The following MIPEP variants were observed in gnomAD, a reference collection of about 807,000 sequenced individuals.
MIPEP encodes mitochondrial intermediate peptidase.
MIPEP carries 79 observed loss-of-function variants against 90.3 expected under a neutral mutation model. The ratio of observed to expected loss-of-function variants is 0.87; its 90% CI spans 0.73 to 1.05. The LOEUF is 1.05. Among genes scored for constraint, MIPEP ranks in the 50% least tolerant of loss-of-function variants. The pLI is 0.00. For synonymous variants in MIPEP, 334 were observed against 315.8 expected (o/e 1.06, Z -0.61); for missense variants, 940 against 905.6 (o/e 1.04, Z -0.49).
rs560195243 is a variant in MIPEP at position 23,750,363 on chromosome 13, T to A, written c.2044+6182A>T. ...ACTACATGTAGCTGCCGTGTCTCCT[T>A]AGGCTCCTCTAGACTGTGTCAGCTT... is the stretch of plus-strand genomic sequence containing the variant. On this transcript the variant is annotated intron_variant, in intron 18 of 18. Transcript: ENST00000382172. 4.6e-5 allele frequency among the ~76,000 whole-genome samples: 7 copies of A among 152,338 alleles called. No homozygotes were observed. In the South Asian group the frequency reaches 1.2e-3, roughly 27 times the overall value.
intron 14 of MIPEP, among the ~76,000 whole-genome samples, chr13:23,827,640 TCATAAA>T (rs1868528027): frequency 1.3e-5 from 2 of 152,172 alleles, no homozygotes; most frequent in African/African-American, 4.8e-5. Context: ...AATCCCTCTC[TCATAAA>T]CATAAATGCA....
At chr13:23,861,554 T>C (rs1870305559) in intron 9 of MIPEP, among the ~76,000 whole-genome samples, 1 of 152,192 alleles carries the variant, frequency 6.6e-6, no homozygotes, top group Non-Finnish European at 1.5e-5. Flanking sequence ...AGTAAACAGT[T>C]TGTAAATCTG....
intron 10 of MIPEP, among the ~76,000 whole-genome samples, chr13:23,847,042 A>G (rs1340121366): frequency 2.0e-5 from 3 of 152,228 alleles, no homozygotes; most frequent in Non-Finnish European, 2.9e-5. Context: ...GCCTGAGACC[A>G]TCCTTTATAA....
intron 11 of MIPEP, 150 bp downstream of exon 11, chr13:23,841,185 T>G (rs780963600): frequency 4.3e-5 from 28 of 648,682 alleles, no homozygotes; most frequent in Middle Eastern, 4.2e-4. Flanking sequence ...AAATCAGAAG[T>G]GCAATTTGGA....
intron 4 of MIPEP, 62 bp downstream of exon 4, chr13:23,879,206 G>A: frequency 1.0e-6 from 1 of 964,226 alleles, no homozygotes; most frequent in South Asian, 1.4e-5. Flanking sequence ...CCCTGAGGGA[G>A]AGTCTCCCAA....
chr13:23,836,031 A>G (rs1869024694), intron 14 of MIPEP, among the ~76,000 whole-genome samples: 1 of 152,214 alleles, frequency 6.6e-6, no homozygotes, highest in African/African-American at 2.4e-5. Flanking sequence ...AAGGGTAGCT[A>G]TTTTTCAACA....
chr13:23,785,720 T>C (rs547002247), intron 16 of MIPEP, among the ~76,000 whole-genome samples: 14 of 151,804 alleles, frequency 9.2e-5, no homozygotes, highest in African/African-American at 3.4e-4. Flanking sequence ...GATAGTATGC[T>C]AGCAATAGGC....
In MIPEP at chr13:23,806,208, G is replaced by A. The variant is rs942292014; in HGVS notation, c.1729-139C>T. On this transcript the variant is annotated intron_variant, in intron 15 of 18. Transcript: ENST00000382172. ...ACAGTCACAAAAATAAACTTACATG[G>A]TTTGAAATGTATTTCATACCACATT... is the stretch of plus-strand genomic sequence containing the variant. 23 of 842,124 alleles carry A rather than the reference G, an allele frequency of 2.7e-5. No individual in the cohort carries two copies. The African/African-American group carries it at 3.6e-4, about 13-fold the overall frequency. 52.2% of individuals were successfully genotyped at this position (842,124 alleles called of 1,614,324 possible). A position where few individuals can be genotyped will look rare whatever the true frequency, so the allele number is the denominator to read the frequency against.
At chr13:23,803,781 C>A (rs1331818260) in intron 16 of MIPEP, among the ~76,000 whole-genome samples, 1 of 152,158 alleles carries the variant, frequency 6.6e-6, no homozygotes, top group African/African-American at 2.4e-5. Context: ...AATGCATTGA[C>A]AAACAAATGA....
intron 18 of MIPEP, among the ~76,000 whole-genome samples, chr13:23,742,937 A>G (rs1028355838): frequency 3.3e-5 from 5 of 152,250 alleles, no homozygotes; most frequent in African/African-American, 1.2e-4. Flanking sequence ...ACATTTAAAA[A>G]TGGTTAAAAT....
rs1437509542 is a variant in MIPEP, at chr13:23,841,464, A to G, written c.1131T>C (p.Tyr377=). Residue 377 remains tyrosine, a synonymous_variant, in exon 11 of 19, where the codon TAT becomes TAC. Transcript: ENST00000382172. The stretch of plus-strand genomic sequence containing the variant: ...ATGCTCCAAGAGAGAAAAACGGGCA[A>G]TATAGGCTGGGCTCAATATTATACC... The part of the protein sequence containing the change: ...AERYNIEPSL[Y]CPFFSLGACM... 1.2e-6 allele frequency: 2 copies of G among 1,613,756 alleles called. No individual in the cohort carries two copies. The highest frequency in any genetic ancestry group is 2.2e-5 in the East Asian group (1 of 44,874).
At chr13:23,755,623 C>T (rs1166783444) in intron 18 of MIPEP, among the ~76,000 whole-genome samples, 1 of 152,100 alleles carries the variant, frequency 6.6e-6, no homozygotes, top group Non-Finnish European at 1.5e-5. Flanking sequence ...TATCTAGTAA[C>T]ATTCATATCT....
chr13:23,848,504 C>G (rs752115441), intron 10 of MIPEP, among the ~76,000 whole-genome samples: 2 of 152,132 alleles, frequency 1.3e-5, no homozygotes, highest in African/African-American at 2.4e-5. Context: ...ACGACCAATC[C>G]AAATGATCAG....
intron 6 of MIPEP, among the ~76,000 whole-genome samples, chr13:23,869,746 TAA>T (rs1480870011): frequency 1.3e-5 from 2 of 152,198 alleles, no homozygotes; most frequent in African/African-American, 2.4e-5. Context: ...TGCATGAATT[TAA>T]AAGTCTCTGT....
At chr13:23,823,211 G>A (rs1055998295) in intron 14 of MIPEP, among the ~76,000 whole-genome samples, 5 of 152,112 alleles carry the variant, frequency 3.3e-5, no homozygotes, top group African/African-American at 9.7e-5. Context: ...CGAAGGCTTG[G>A]GTGTGAGTTA....
intron 5 of MIPEP, 111 bp downstream of exon 5, chr13:23,874,735 C>T (rs953905490): frequency 1.8e-5 from 15 of 846,780 alleles, no homozygotes; most frequent in East Asian, 5.7e-5. Flanking sequence ...AAGACCTGCA[C>T]GTTTTTGCAA....
intron 16 of MIPEP, among the ~76,000 whole-genome samples, chr13:23,775,566 T>C (rs1215401592): frequency 6.6e-6 from 1 of 152,234 alleles, no homozygotes; most frequent in African/African-American, 2.4e-5. Flanking sequence ...TTGCCTAAAC[T>C]GTAAGGCCTT....
At chr13:23,757,293 A>G (rs969548999) in intron 17 of MIPEP, among the ~76,000 whole-genome samples, 4 of 152,020 alleles carry the variant, frequency 2.6e-5, no homozygotes, top group African/African-American at 9.7e-5. Flanking sequence ...TAATGCTGCC[A>G]CTAATTCAAC....
At chr13:23,790,175 C>T (rs928863522) in intron 16 of MIPEP, among the ~76,000 whole-genome samples, 2 of 152,292 alleles carry the variant, frequency 1.3e-5, no homozygotes, top group East Asian at 3.9e-4. Context: ...CCTTCTCCTT[C>T]AGAACACTCC....
Sources: gnomAD v4.1 joint callset for allele counts (sites outside exome capture counted in the v4.1 genomes callset) on GRCh38, gnomAD v4.1.1 for gene constraint, MANE v1.5 for transcripts, NCBI Gene and HGNC (gene_info 2026-07-23, HGNC 2026-07-21) for gene names.